The following DKC1 variants were observed in gnomAD, a reference collection of about 807,000 sequenced individuals.
The protein encoded by DKC1 is H/ACA ribonucleoprotein complex subunit DKC1.
A neutral mutation model predicts 46.7 loss-of-function variants in DKC1; 4 were observed. The ratio of observed to expected loss-of-function variants is 0.09; its 90% CI spans 0.04 to 0.20. The LOEUF (loss-of-function observed/expected upper bound fraction) is 0.20. Ranked by LOEUF, DKC1 falls within the 10% of genes least tolerant of loss-of-function variation. The probability of loss-of-function intolerance (pLI) is 1.00; values close to 1 mark genes in which losing one functional copy is unlikely to be tolerated. For synonymous variants in DKC1, 141 were observed against 142.4 expected, an observed-to-expected ratio of 0.99 and a Z score of 0.07; for missense variants, 171 against 404.2, an observed-to-expected ratio of 0.42 and a Z score of 4.95.
intron 9 of DKC1, among the ~76,000 whole-genome samples, chrX:154,770,467 T>TAAAAAAAAA (rs150045442): frequency 3.0e-5 from 2 of 67,784 alleles, no homozygotes; most frequent in African/African-American, 5.8e-5. Context: ...GCCTGAAAAT[T>TAAAAAAAAA]AAAAAAAAAA....
chrX:154,767,018 T>C lies in DKC1; in HGVS notation c.470T>C (p.Val157Ala). The C allele has an allele frequency of 5.8e-6, 7 of 1,211,678 alleles. No individual in the cohort carries two copies. The highest frequency in any genetic ancestry group is 7.8e-6 in the Non-Finnish European group (7 of 895,349). Residue 157 changes from valine (V) to alanine (A), a missense_variant, in exon 6 of 15, where the codon GTC (valine) becomes GCC (alanine). Val to Ala is a moderately conservative substitution (Grantham distance 64). Transcript: ENST00000369550. ...QSAGKEYVGI[V>A]RLHNAIEGGT... ...TCAGGCAAAGAGTATGTGGGGATTG[T>C]CCGGCTGCACAATGCTATTGAAGGG... is the stretch of plus-strand genomic sequence containing the variant.
At chrX:154,765,791 A>G (rs1557264080) in intron 3 of DKC1, 116 bp from the exon 4 acceptor site, 2 of 607,453 alleles carry the variant, frequency 3.3e-6, no homozygotes, top group African/African-American at 4.4e-5. Context: ...CAGTTTTTGT[A>G]CTTAGTCCAT....
intron 5 of DKC1, 66 bp from the exon 6 acceptor site, chrX:154,766,931 A>C: frequency 9.9e-7 from 1 of 1,012,870 alleles, no homozygotes; most frequent in South Asian, 1.9e-5. Context: ...GTGACTGAGC[A>C]TATAAGAAAT....
At chrX:154,766,482 A>G (rs2071746729) in intron 5 of DKC1, 82 bp downstream of exon 5, 2 of 930,076 alleles carry the variant, frequency 2.2e-6, no homozygotes, top group African/African-American at 4.1e-5. Flanking sequence ...GCTGGAAACT[A>G]TTTCTTCATT....
At chrX:154,766,502 A>G in intron 5 of DKC1, 102 bp downstream of exon 5, 3 of 826,249 alleles carry the variant, frequency 3.6e-6, no homozygotes, top group Non-Finnish European at 5.2e-6. Context: ...TAAGAAAAAA[A>G]AAAATCCTAA....
chrX:154,774,066 G>A (rs961544715), intron 11 of DKC1, among the ~76,000 whole-genome samples: 1 of 112,491 alleles, frequency 8.9e-6, no homozygotes, highest in Non-Finnish European at 1.9e-5. Flanking sequence ...CTGGGTTGTC[G>A]ATGAGTGGAA....
chrX:154,769,057 A>G, intron 8 of DKC1, 110 bp from the exon 9 acceptor site: 2 of 739,933 alleles, frequency 2.7e-6, no homozygotes, highest in South Asian at 2.1e-5. Context: ...GGCTGAAGAC[A>G]TAATGAGCTT....
chrX:154,776,358 G>T, intron 14 of DKC1, 34 bp downstream of exon 14: 2 of 1,170,185 alleles, frequency 1.7e-6, no homozygotes, highest in Non-Finnish European at 2.3e-6. Context: ...CCTTGGGCTG[G>T]CTTAGTCCCT....
Position 154,768,283 on chromosome X carries a change from T to TTG in DKC1, c.641-9_641-8dup. 8.3e-7 allele frequency: 1 copy of TTG among 1,210,823 alleles called. No individual in the cohort carries two copies. The highest frequency in any genetic ancestry group is 1.1e-6 in the Non-Finnish European group (1 of 894,997). On this transcript the variant is annotated intron_variant, in intron 7 of 14. Coordinates refer to ENST00000369550, the MANE Select transcript of DKC1 (RefSeq NM_001363.5). Reference sequence around the variant, plus strand: ...ATTTACAGTAGGTGCTGCTTTTCTTTTGTGTGTGTGTATCTTAGGAATCTT... The same window carrying TTG: ...ATTTACAGTAGGTGCTGCTTTTCTTTTGTGTGTGTGTGTATCTTAGGAATCTT...
chrX:154,776,266 G>A lies in DKC1; in HGVS notation c.1418G>A (p.Ser473Asn). 1 of 1,210,972 alleles carries A rather than the reference G, an allele frequency of 8.3e-7. No homozygotes were observed. Residue 473 changes from serine (S) to asparagine (N), a missense_variant, in exon 14 of 15, where the codon AGT becomes AAT. By Grantham distance (46) the Ser-to-Asn change is conservative. Around this residue, in one of 4 missense-constraint regions of DKC1, gnomAD observed 54 missense variants for 64.4 expected, o/e 0.84. Coordinates refer to ENST00000369550, the MANE Select transcript of DKC1 (RefSeq NM_001363.5). ...PQLIKKEKKK[S>N]KKDKKAKAGL... is the part of the protein sequence containing the mutation. Reference sequence around the variant, plus strand: ...TTGATCAAGAAGGAAAAGAAGAAGAGTAAGAAGGACAAGAAGGCCAAAGCT... The same window carrying A: ...TTGATCAAGAAGGAAAAGAAGAAGAATAAGAAGGACAAGAAGGCCAAAGCT...
At position 154,767,206 on chromosome X, in the gene DKC1, C is replaced by T. The variant is rs188253757; in HGVS notation, c.514-50C>T. ...TGCAGCCAGCCTGGACCAGTGACTG[C>T]ACATGTACATTCTGATGAGGTGTTT... On this transcript the variant is annotated intron_variant, in intron 6 of 14. Coordinates refer to ENST00000369550, the MANE Select transcript of DKC1 (RefSeq NM_001363.5). 564 of 1,208,350 alleles carry T rather than the reference C, an allele frequency of 4.7e-4. 6 individuals are homozygous for T. The East Asian group carries it at 0.015, about 32-fold the overall frequency.
At chrX:154,776,643 A>G (rs1159369925) in intron 14 of DKC1, among the ~76,000 whole-genome samples, 156 bp from the exon 15 acceptor site, 9 of 112,274 alleles carry the variant, frequency 8.0e-5, no homozygotes, top group African/African-American at 2.9e-4. Context: ...AAAGGTTTAC[A>G]GAACTTTGTG....
rs2071749070 is a variant in DKC1 at position 154,766,673 on chromosome X, C to G, written c.448+273C>G. 10 of 431,837 alleles carry G rather than the reference C, an allele frequency of 2.3e-5. No homozygotes were observed. In the South Asian group the frequency reaches 3.4e-4, roughly 15 times the overall value. The allele number at this position is 431,837 out of a possible 1,213,427, so 35.6% of individuals were successfully genotyped here. ...AGCTTGTCACTCCAGGCTTCTCACT[C>G]TGTGCTACCGCTTCTGCCTAAAGTA... On this transcript the variant is annotated intron_variant, in intron 5 of 14. Coordinates refer to ENST00000369550, the MANE Select transcript of DKC1 (RefSeq NM_001363.5).
chrX:154,762,871 T>A lies in DKC1; in HGVS notation c.-95T>A. ...ACAGGGCAGTGCGCGGGTGGGTGGG[T>A]CCTAGCAGCGCGGCCTGACGGGACC... On this transcript the variant is annotated 5_prime_UTR_variant, in exon 1 of 15. Coordinates refer to ENST00000369550, the MANE Select transcript of DKC1 (RefSeq NM_001363.5). The A allele has an allele frequency of 1.9e-6, 2 of 1,075,376 alleles. No individual in the cohort carries two copies. The highest frequency in any genetic ancestry group is 1.3e-6 in the Non-Finnish European group (1 of 789,766). 88.6% of individuals were successfully genotyped at this position (1,075,376 alleles called of 1,213,427 possible). A position where few individuals can be genotyped will look rare whatever the true frequency, so the allele number is the denominator to read the frequency against.
Position 154,776,336 on chromosome X carries a change from C to CA in DKC1, c.1476+13dup. 8.5e-7 allele frequency: 1 copy of CA among 1,180,967 alleles called. No individual in the cohort carries two copies. Among genetic ancestry groups the CA allele is most frequent in the Non-Finnish European group, 1.1e-6 (1 of 879,731 alleles). ...AGCCTGGAGATGGGGTGTGTGGAAA[C>CA]ACGTTCAGGTTCCTTGGGCTGGCTT... On this transcript the variant is annotated intron_variant, in intron 14 of 14. Transcript: ENST00000369550.
rs1557264304 is a variant in DKC1 at position 154,767,374 on chromosome X, G to T, written c.632G>T (p.Arg211Ile). ...ESKMIEYDPE[R>I]RLGIFWVSCE... The stretch of plus-strand genomic sequence containing the variant: ...AAAATGATTGAATACGATCCTGAAA[G>T]AAGATTAGGTGAGTCATTAGGCCTG... Residue 211 changes from arginine (R) to isoleucine (I), a missense_variant, in exon 7 of 15, where the codon AGA (arginine) becomes ATA (isoleucine). Around this residue, in one of 4 missense-constraint regions of DKC1, gnomAD observed 60 missense variants for 206.5 expected, o/e 0.29. Coordinates refer to ENST00000369550, the MANE Select transcript of DKC1 (RefSeq NM_001363.5). 1 of 1,211,833 alleles carries T rather than the reference G, an allele frequency of 8.3e-7. No individual in the cohort carries two copies. The highest frequency in any genetic ancestry group is 1.1e-6 in the Non-Finnish European group (1 of 895,472).
intron 14 of DKC1, 54 bp downstream of exon 14, chrX:154,776,378 A>G: frequency 8.6e-7 from 1 of 1,156,445 alleles, no homozygotes; most frequent in Non-Finnish European, 1.2e-6. Flanking sequence ...TGCGTGGGGA[A>G]AGAATTACCC....
intron 1 of DKC1, 42 bp downstream of exon 1, chrX:154,763,023 C>G: frequency 8.6e-7 from 1 of 1,161,171 alleles, no homozygotes; most frequent in South Asian, 1.9e-5. Flanking sequence ...CTCCGGGCGA[C>G]TCGGGGAACG....
chrX:154,766,495 G>GA (rs1172676981), intron 5 of DKC1, 95 bp downstream of exon 5: 7,979 of 624,717 alleles, frequency 0.013, no homozygotes, highest in Non-Finnish European at 0.015. Context: ...TCTTCATTAA[G>GA]AAAAAAAAAA....
Sources: gnomAD v4.1 joint callset for allele counts (sites outside exome capture counted in the v4.1 genomes callset) on GRCh38, gnomAD v4.1.1 for gene constraint, gnomAD v4.1.1 regional missense constraint, MANE v1.5 for transcripts, NCBI Gene and HGNC (gene_info 2026-07-23, HGNC 2026-07-21) for gene names.